SLC12A7: variants seen among roughly 807,000 people sequenced by gnomAD.
SLC12A7 encodes K-Cl cotransporter 4.
Under a neutral mutation model 120.6 loss-of-function variants are expected in SLC12A7, and 100 were observed. That is an observed-to-expected ratio of 0.83 (90% CI 0.71 to 0.98). SLC12A7 has a LOEUF of 0.98. Among genes scored for constraint, SLC12A7 ranks in the 50% least tolerant of loss-of-function variants. SLC12A7 has a pLI of 0.00. For missense variants in SLC12A7, 1,373 were observed against 1,548.1 expected (o/e 0.89, Z 1.90); for synonymous variants, 760 against 678.0 (o/e 1.12, Z -1.88).
At chr5:1,054,848 T>A (rs1407324552) in intron 22 of SLC12A7, among the ~76,000 whole-genome samples, 1 of 152,132 alleles carries the variant, frequency 6.6e-6, no homozygotes, top group Admixed American at 6.5e-5. Flanking sequence ...ACAGATGGGG[T>A]CTCTGTCCAC....
chr5:1,075,321 G>A (rs573093622), intron 15 of SLC12A7, 50 bp downstream of exon 15: 1 of 1,583,606 alleles, frequency 6.3e-7, no homozygotes, highest in African/African-American at 1.3e-5. Context: ...GCATGAGAGG[G>A]GCCCGCCCTC....
intron 15 of SLC12A7, 52 bp downstream of exon 15, chr5:1,075,319 G>C (rs1012423983): frequency 1.3e-6 from 2 of 1,580,150 alleles, no homozygotes; most frequent in African/African-American, 2.7e-5. Flanking sequence ...TAGCATGAGA[G>C]GGGCCCGCCC....
At position 1,085,267 on chromosome 5, in the gene SLC12A7, G is replaced by A. The variant is rs777644233; in HGVS notation, c.882C>T (p.Gly294=). 8.1e-6 allele frequency: 13 copies of A among 1,612,462 alleles called. No homozygotes were observed. Among genetic ancestry groups the A allele is most frequent in the African/African-American group, 2.7e-5 (2 of 74,916 alleles). ...VVLSILAIYA[G]VIKSAFDPPD... is the part of the protein sequence containing the mutation. ...GGGGGTCGAAGGCAGACTTGATGACGCCGGCATAGATGGCCAGGATGGACA... is the reference window on the plus strand; with the variant it reads ...GGGGGTCGAAGGCAGACTTGATGACACCGGCATAGATGGCCAGGATGGACA... The change falls in exon 7 of 24, where the codon GGC becomes GGT. Residue 294 remains glycine, a synonymous_variant. Coordinates refer to ENST00000264930, the MANE Select transcript of SLC12A7 (RefSeq NM_006598.3).
intron 9 of SLC12A7, 106 bp downstream of exon 9, chr5:1,081,471 G>T: frequency 8.2e-7 from 1 of 1,214,380 alleles, no homozygotes; most frequent in Non-Finnish European, 1.2e-6. Flanking sequence ...GCAGTGAGCC[G>T]TGATCACACC....
intron 15 of SLC12A7, 87 bp from the exon 16 acceptor site, chr5:1,074,758 A>T: frequency 8.0e-7 from 1 of 1,256,138 alleles, no homozygotes; most frequent in Non-Finnish European, 1.1e-6. Flanking sequence ...GGGGCAGGTG[A>T]GTTGGGGCAA....
chr5:1,117,169 C>A, the SLC12A7 span, among the ~76,000 whole-genome samples: 3 of 152,070 alleles, frequency 2.0e-5, no homozygotes, highest in Admixed American at 6.5e-5. The surrounding 1 kb of genome is among the most constrained non-coding windows in gnomAD (Gnocchi z 4.5). Flanking sequence ...TGCGAGGGGC[C>A]ACTGAGCAGG....
At chr5:1,090,351 G>A (rs370992283) in intron 3 of SLC12A7, among the ~76,000 whole-genome samples, 2 of 152,216 alleles carry the variant, frequency 1.3e-5, no homozygotes, top group African/African-American at 4.8e-5. Flanking sequence ...GGATCTGAGA[G>A]CCTGGGGGAT....
the SLC12A7 span, among the ~76,000 whole-genome samples, chr5:1,142,496 C>T: frequency 2.9e-5 from 2 of 68,534 alleles, no homozygotes; most frequent in Non-Finnish European, 5.9e-5. Flanking sequence ...TTTCCCCTCC[C>T]CACTCCCCTC....
Position 1,076,141 on chromosome 5 carries a change from T to C in SLC12A7, c.1844A>G (p.His615Arg), listed in dbSNP as rs770323602. 2 of 1,609,990 alleles carry C rather than the reference T, an allele frequency of 1.2e-6. No individual in the cohort carries two copies. Among genetic ancestry groups the C allele is most frequent in the Admixed American group, 3.3e-5 (2 of 59,734 alleles). The change falls in exon 14 of 24, where the codon CAC becomes CGC. Residue 615 changes from histidine (H) to arginine (R), a missense_variant. His to Arg is a conservative substitution (Grantham distance 29). Coordinates refer to ENST00000264930, the MANE Select transcript of SLC12A7 (RefSeq NM_006598.3). ...CGCCCGTGCTGAGTGGCCTCACCAG[T>C]GGTAGAACTTGAAGCGTGGACGCCA... ...PNWRPRFKFY[H>R]WTLSFLGMSL...
chr5:1,052,214 C>T lies in SLC12A7; in HGVS notation c.*146G>A, dbSNP rs770693755. On this transcript the variant is annotated 3_prime_UTR_variant, in exon 24 of 24. Transcript: ENST00000264930. ...GAGCCCTAGGTGACGGGCCTAGAAA[C>T]TTCCGTAGGAAGCCCCATGGGCAGC... 3 of 703,712 alleles carry T rather than the reference C, an allele frequency of 4.3e-6. No individual in the cohort carries two copies. The highest frequency in any genetic ancestry group is 3.3e-5 in the South Asian group (2 of 61,184). 43.6% of individuals were successfully genotyped at this position (703,712 alleles called of 1,614,324 possible). A position where few individuals can be genotyped will look rare whatever the true frequency, so the allele number is the denominator to read the frequency against.
At chr5:1,134,885 G>T in the SLC12A7 span, among the ~76,000 whole-genome samples, 6 of 152,132 alleles carry the variant, frequency 3.9e-5, no homozygotes, top group African/African-American at 1.4e-4. Context: ...TGTAACCCCA[G>T]CACTTTGGGA....
chr5:1,130,669 G>A, the SLC12A7 span, among the ~76,000 whole-genome samples: 1 of 141,822 alleles, frequency 7.1e-6, no homozygotes, highest in Non-Finnish European at 1.6e-5. Flanking sequence ...TGGGCCTGCA[G>A]GTGCACCTGT....
chr5:1,083,206 TG>T (rs1739411716), intron 8 of SLC12A7, among the ~76,000 whole-genome samples: 1 of 148,716 alleles, frequency 6.7e-6, no homozygotes, highest in African/African-American at 2.5e-5. Flanking sequence ...CTGGAAAGCC[TG>T]GGCTTCCTCT....
At chr5:1,134,289 A>G in the SLC12A7 span, among the ~76,000 whole-genome samples, 11 of 152,002 alleles carry the variant, frequency 7.2e-5, no homozygotes, top group Non-Finnish European at 1.3e-4. Context: ...GGCCAACATG[A>G]TGAAACCCCG....
intron 17 of SLC12A7, among the ~76,000 whole-genome samples, 186 bp downstream of exon 17, chr5:1,073,447 G>A (rs371962409): frequency 2.6e-4 from 40 of 152,218 alleles, no homozygotes; most frequent in African/African-American, 5.8e-4. Context: ...CAAGCTTCCC[G>A]GGGTGCGGCT....
chr5:1,069,950 G>C (rs1335510459), intron 17 of SLC12A7, among the ~76,000 whole-genome samples: 1 of 152,050 alleles, frequency 6.6e-6, no homozygotes, highest in African/African-American at 2.4e-5. Context: ...ACAAAGCTCT[G>C]AGTGGGCAGA....
upstream of SLC12A7, among the ~76,000 whole-genome samples, chr5:1,115,634 G>C (rs1191093517): frequency 6.6e-6 from 1 of 152,178 alleles, no homozygotes; most frequent in African/African-American, 2.4e-5. Context: ...CAGAGTGTCC[G>C]TGGAGAGCTC....
intron 1 of SLC12A7, among the ~76,000 whole-genome samples, chr5:1,103,541 C>T (rs537955248): frequency 2.6e-3 from 400 of 152,328 alleles, no homozygotes; most frequent in African/African-American, 8.2e-3. Flanking sequence ...TCACACGCTT[C>T]CCCCCTCATT....
chr5:1,057,623 G>A lies in SLC12A7; in HGVS notation c.2874C>T (p.Thr958=), dbSNP rs60281693. 22,031 of 1,603,198 alleles carry A rather than the reference G, an allele frequency of 0.014. 1,936 individuals are homozygous for A. The African/African-American group carries it at 0.22, about 16-fold the overall frequency. The change falls in exon 22 of 24, where the codon ACC becomes ACT. Residue 958 remains threonine, a synonymous_variant. Transcript: ENST00000264930. ...REAQLIHDRN[T]ASHTAAAART... The stretch of plus-strand genomic sequence containing the variant: ...TGGCTGCCGCCGCGGTGTGGGACGC[G>A]GTGTTCCTGTCGTGGATCAGCTGGG...
Sources: gnomAD v4.1 joint callset for allele counts (sites outside exome capture counted in the v4.1 genomes callset) on GRCh38, gnomAD v4.1.1 for gene constraint, Gnocchi (gnomAD v3.1) non-coding constraint, MANE v1.5 for transcripts, NCBI Gene and HGNC (gene_info 2026-07-23, HGNC 2026-07-21) for gene names.